Variants in DOCK3 observed in about 807,000 individuals in gnomAD.
DOCK3 encodes dedicator of cytokinesis protein 3.
DOCK3 carries 60 observed loss-of-function variants against 265.6 expected under a neutral mutation model. The ratio of observed to expected loss-of-function variants is 0.23; its 90% CI spans 0.18 to 0.28. The LOEUF (loss-of-function observed/expected upper bound fraction) is 0.28. DOCK3 is among the 10% of genes least tolerant of loss of function. The pLI, the probability that DOCK3 is intolerant of heterozygous loss-of-function variation, is 1.00. For missense variants in DOCK3, 1,981 were observed against 2,594.3 expected (o/e 0.76, Z 5.14); for synonymous variants, 881 against 938.0 (o/e 0.94, Z 1.11).
At chr3:51,097,178 C>G (rs2082892444) in intron 9 of DOCK3, among the ~76,000 whole-genome samples, 1 of 152,190 alleles carries the variant, frequency 6.6e-6, no homozygotes. Flanking sequence ...CAGGCAGGAG[C>G]ATTTAAGTCT....
At chr3:51,128,598 G>A (rs2084372736) in intron 9 of DOCK3, among the ~76,000 whole-genome samples, 1 of 152,300 alleles carries the variant, frequency 6.6e-6, no homozygotes, top group African/African-American at 2.4e-5. Flanking sequence ...TGCAGGATAG[G>A]CAAACCCATA....
At chr3:51,060,343 T>C (rs1052387327) in intron 5 of DOCK3, among the ~76,000 whole-genome samples, 1 of 152,188 alleles carries the variant, frequency 6.6e-6, no homozygotes, top group African/African-American at 2.4e-5. Context: ...ATTCTGTAGG[T>C]TGCCTGTTCA....
chr3:50,842,049 G>A (rs2045869941), intron 3 of DOCK3, among the ~76,000 whole-genome samples: 2 of 152,130 alleles, frequency 1.3e-5, no homozygotes, highest in African/African-American at 2.4e-5. Context: ...TAGATGAATT[G>A]TTTCTAAAAG....
intron 10 of DOCK3, 60 bp from the exon 11 acceptor site, chr3:51,159,184 A>G: frequency 1.9e-6 from 3 of 1,547,252 alleles, no homozygotes; most frequent in South Asian, 1.1e-5. Flanking sequence ...GAGATTCAAA[A>G]TGAATTTTTA....
At chr3:50,697,088 G>A (rs1050090239) in intron 1 of DOCK3, among the ~76,000 whole-genome samples, 8 of 151,656 alleles carry the variant, frequency 5.3e-5, no homozygotes, top group African/African-American at 1.5e-4. Flanking sequence ...GCACCACCAT[G>A]CCTGGCTAAT....
Position 50,707,265 on chromosome 3 carries a change from G to A in DOCK3, c.37+31965G>A, listed in dbSNP as rs565155590. ...AGCCTGGCCAACACGGTAAAACCCCGTCTCTACTAAAAATACAAAAAATTA... is the reference window on the plus strand; with the variant it reads ...AGCCTGGCCAACACGGTAAAACCCCATCTCTACTAAAAATACAAAAAATTA... On this transcript the variant is annotated intron_variant, in intron 1 of 52. Coordinates refer to ENST00000266037, the MANE Select transcript of DOCK3 (RefSeq NM_004947.5). Among the ~76,000 whole-genome samples, 8 of 148,698 alleles carry A rather than the reference G, an allele frequency of 5.4e-5. No homozygotes were observed. In the East Asian group the frequency reaches 6.5e-4, roughly 12 times the overall value.
intron 5 of DOCK3, among the ~76,000 whole-genome samples, chr3:51,038,247 A>G (rs1232090708): frequency 1.3e-5 from 2 of 152,322 alleles, no homozygotes; most frequent in East Asian, 3.9e-4. Context: ...TATATATGGT[A>G]GGTGGGCAGG....
intron 9 of DOCK3, among the ~76,000 whole-genome samples, chr3:51,111,013 A>G (rs536561738): frequency 7.9e-4 from 121 of 152,358 alleles, no homozygotes; most frequent in South Asian, 2.1e-3. Context: ...TACAAAAATC[A>G]CTAGTATTCC....
chr3:51,298,494 A>G (rs2109303782), intron 27 of DOCK3, among the ~76,000 whole-genome samples: 1 of 152,234 alleles, frequency 6.6e-6, no homozygotes, highest in East Asian at 1.9e-4. Context: ...GGTTTCCTGC[A>G]CCTATCAACC....
intron 46 of DOCK3, 42 bp from the exon 47 acceptor site, chr3:51,360,469 T>G: frequency 6.3e-7 from 1 of 1,583,570 alleles, no homozygotes; most frequent in Non-Finnish European, 8.6e-7. Context: ...AGTTACTTAT[T>G]TATTCTTTAC....
chr3:51,254,912 G>T (rs967809854), intron 22 of DOCK3, among the ~76,000 whole-genome samples: 1 of 152,150 alleles, frequency 6.6e-6, no homozygotes, highest in Non-Finnish European at 1.5e-5. Flanking sequence ...CTGTCATTAT[G>T]ATGTTAGCTG....
intron 1 of DOCK3, among the ~76,000 whole-genome samples, chr3:50,734,701 C>T (rs2038463986): frequency 7.3e-6 from 1 of 136,514 alleles, no homozygotes. Context: ...CTCCTGGGTT[C>T]ATGCCATTCT....
chr3:51,088,621 A>G (rs1277881542), intron 7 of DOCK3, among the ~76,000 whole-genome samples: 1 of 152,210 alleles, frequency 6.6e-6, no homozygotes, highest in Non-Finnish European at 1.5e-5. Context: ...CCTAACTTCT[A>G]TATCATAGTG....
At chr3:50,801,780 A>T (rs1167016522) in intron 2 of DOCK3, among the ~76,000 whole-genome samples, 1 of 152,182 alleles carries the variant, frequency 6.6e-6, no homozygotes, top group Non-Finnish European at 1.5e-5. Context: ...TGATCTGTCC[A>T]TTGCTGAGAG....
At chr3:50,731,812 A>G (rs537624406) in intron 1 of DOCK3, among the ~76,000 whole-genome samples, 7 of 152,314 alleles carry the variant, frequency 4.6e-5, no homozygotes, top group African/African-American at 9.6e-5. Context: ...GAAAAAAACA[A>G]TGATATCTGC....
intron 1 of DOCK3, among the ~76,000 whole-genome samples, chr3:50,727,994 A>G (rs2037939450): frequency 6.6e-6 from 1 of 152,204 alleles, no homozygotes; most frequent in Non-Finnish European, 1.5e-5. Context: ...CATTATACCC[A>G]ACAGAGTACA....
At chr3:51,189,124 G>A (rs752367908) in intron 12 of DOCK3, among the ~76,000 whole-genome samples, 75 of 151,878 alleles carry the variant, frequency 4.9e-4, no homozygotes, top group Non-Finnish European at 2.1e-4. Flanking sequence ...TTCTTTTTCT[G>A]ACTGGGATAA....
chr3:51,240,202 A>G (rs2108509029), intron 21 of DOCK3, among the ~76,000 whole-genome samples: 1 of 152,314 alleles, frequency 6.6e-6, no homozygotes. Flanking sequence ...TTCATTATTT[A>G]CCCAGAAGTT....
At chr3:51,201,337 A>G (rs1296631910) in intron 12 of DOCK3, among the ~76,000 whole-genome samples, 3 of 151,866 alleles carry the variant, frequency 2.0e-5, no homozygotes, top group South Asian at 2.1e-4. Flanking sequence ...AAGATCTACC[A>G]AGCAAATGGA....
Sources: gnomAD v4.1 joint callset for allele counts (sites outside exome capture counted in the v4.1 genomes callset) on GRCh38, gnomAD v4.1.1 for gene constraint, MANE v1.5 for transcripts, NCBI Gene and HGNC (gene_info 2026-07-23, HGNC 2026-07-21) for gene names.